The following VEPH1 variants were observed in gnomAD, a reference collection of about 807,000 sequenced individuals.
VEPH1 encodes the protein ventricular zone-expressed PH domain-containing protein homolog 1.
Under a neutral mutation model 85.2 loss-of-function variants are expected in VEPH1, and 80 were observed. That is an observed-to-expected ratio of 0.94 (90% CI 0.78 to 1.13). VEPH1 has a LOEUF of 1.13. Among genes scored for constraint, VEPH1 ranks in the 50% most tolerant of loss-of-function variants. The pLI, the probability that VEPH1 is intolerant of heterozygous loss-of-function variation, is 0.00. For synonymous variants in VEPH1, 297 were observed against 348.0 expected (o/e 0.85, Z 1.63); for missense variants, 955 against 980.5 (o/e 0.97, Z 0.35).
At chr3:157,499,061 T>A (rs1201175479) in intron 1 of VEPH1, among the ~76,000 whole-genome samples, 1 of 152,190 alleles carries the variant, frequency 6.6e-6, no homozygotes, top group Admixed American at 6.5e-5. Context: ...TGAGGTTAAG[T>A]ATCATGCCCA....
At chr3:157,455,777 T>C (rs1186056620) in intron 4 of VEPH1, among the ~76,000 whole-genome samples, 3 of 152,212 alleles carry the variant, frequency 2.0e-5, no homozygotes, top group Non-Finnish European at 4.4e-5. Context: ...TACGGCTGCA[T>C]AGTTTTCCAT....
intron 11 of VEPH1, among the ~76,000 whole-genome samples, chr3:157,293,691 A>G (rs1056046772): frequency 2.6e-5 from 4 of 152,272 alleles, no homozygotes; most frequent in African/African-American, 9.6e-5. Flanking sequence ...TAAGTAAAAC[A>G]GTTTGTGAAA....
At chr3:157,263,216 T>G (rs988570095) in intron 13 of VEPH1, among the ~76,000 whole-genome samples, 1 of 152,154 alleles carries the variant, frequency 6.6e-6, no homozygotes, top group South Asian at 2.1e-4. Flanking sequence ...CCCTGGAGAT[T>G]AGAGGTATTT....
rs1712782352 is a variant in VEPH1, at chr3:157,260,838, A to G, written c.*296T>C. The G allele has an allele frequency of 3.4e-6, 1 of 294,308 alleles. No homozygotes were observed. Among genetic ancestry groups the G allele is most frequent in the South Asian group, 5.6e-5 (1 of 17,940 alleles). 18.2% of individuals were successfully genotyped at this position (294,308 alleles called of 1,614,324 possible). On this transcript the variant is annotated 3_prime_UTR_variant, in exon 14 of 14. Transcript: ENST00000362010. Reference sequence around the variant, plus strand: ...ATGACATATCTACAGAAGTTCTTTTATCAGTGACTTTTCCCTTCCTGGCCC... The same window carrying G: ...ATGACATATCTACAGAAGTTCTTTTGTCAGTGACTTTTCCCTTCCTGGCCC...
chr3:157,436,234 A>T (rs1378613584), intron 4 of VEPH1, among the ~76,000 whole-genome samples: 2 of 151,948 alleles, frequency 1.3e-5, no homozygotes, highest in East Asian at 3.9e-4. Flanking sequence ...CCGAGATCAC[A>T]CCATTGCACT....
At chr3:157,363,203 A>G (rs575030252) in intron 9 of VEPH1, 161 bp downstream of exon 9, 62 of 173,902 alleles carry the variant, frequency 3.6e-4, no homozygotes, top group Middle Eastern at 1.3e-3. Context: ...TTTTCTTGGG[A>G]AAAAAAAAAA....
intron 6 of VEPH1, among the ~76,000 whole-genome samples, chr3:157,411,539 G>A (rs201847496): frequency 1.6e-4 from 24 of 152,180 alleles, no homozygotes; most frequent in Non-Finnish European, 2.4e-4. Context: ...ACAGGTTCCC[G>A]TAAATCCAGA....
intron 2 of VEPH1, among the ~76,000 whole-genome samples, chr3:157,488,298 G>T (rs1347160549): frequency 1.3e-5 from 2 of 151,790 alleles, no homozygotes; most frequent in African/African-American, 4.8e-5. Flanking sequence ...CTCCAATCTG[G>T]CTTTCAGTCT....
Position 157,428,311 on chromosome 3 carries a change from G to A in VEPH1, c.696+11C>T. Reference sequence around the variant, plus strand: ...TTGTGTGCACCATGACATATACAATGTACTTTTTACCTCGAGTTGTTTTTT... The same window carrying A: ...TTGTGTGCACCATGACATATACAATATACTTTTTACCTCGAGTTGTTTTTT... On this transcript the variant is annotated intron_variant, in intron 5 of 13. Coordinates refer to ENST00000362010, the MANE Select transcript of VEPH1 (RefSeq NM_001167912.2). 2 of 1,613,910 alleles carry A rather than the reference G, an allele frequency of 1.2e-6. No homozygotes were observed. The highest frequency in any genetic ancestry group is 8.5e-7 in the Non-Finnish European group (1 of 1,179,876).
chr3:157,319,123 A>T (rs532488246), intron 9 of VEPH1, among the ~76,000 whole-genome samples: 1 of 152,336 alleles, frequency 6.6e-6, no homozygotes, highest in African/African-American at 2.4e-5. Flanking sequence ...ATAATGTGAC[A>T]GGGCAAGTTA....
chr3:157,476,875 G>A (rs1410159573), intron 2 of VEPH1, among the ~76,000 whole-genome samples: 1 of 152,200 alleles, frequency 6.6e-6, no homozygotes, highest in Non-Finnish European at 1.5e-5. Context: ...GGACAATGGA[G>A]CAGTCACAAC....
At chr3:157,365,018 G>C (rs1297470820) in intron 7 of VEPH1, among the ~76,000 whole-genome samples, 1 of 152,218 alleles carries the variant, frequency 6.6e-6, no homozygotes, top group Non-Finnish European at 1.5e-5. Flanking sequence ...GATGTTGGAA[G>C]AAAGAGGTTT....
chr3:157,434,249 T>C (rs1449773852), intron 4 of VEPH1, among the ~76,000 whole-genome samples: 1 of 152,194 alleles, frequency 6.6e-6, no homozygotes, highest in Non-Finnish European at 1.5e-5. Flanking sequence ...CATTTCTACT[T>C]TATGTTTTAT....
intron 9 of VEPH1, among the ~76,000 whole-genome samples, chr3:157,344,257 A>G (rs1723940241): frequency 6.6e-6 from 1 of 152,228 alleles, no homozygotes; most frequent in African/African-American, 2.4e-5. Context: ...TGCAGATGAC[A>G]TGATTGTATA....
intron 11 of VEPH1, among the ~76,000 whole-genome samples, chr3:157,295,925 A>G (rs2108430244): frequency 6.6e-6 from 1 of 152,320 alleles, no homozygotes; most frequent in Non-Finnish European, 1.5e-5. Context: ...ACTGCACTCT[A>G]GCCTGGGCAA....
At chr3:157,449,984 C>G (rs1734831706) in intron 4 of VEPH1, among the ~76,000 whole-genome samples, 1 of 149,682 alleles carries the variant, frequency 6.7e-6, no homozygotes. Context: ...CTAAATTGAT[C>G]TCACTTCCAG....
chr3:157,482,482 C>T (rs1008810658), intron 2 of VEPH1, among the ~76,000 whole-genome samples: 2 of 152,182 alleles, frequency 1.3e-5, no homozygotes, highest in Non-Finnish European at 2.9e-5. Flanking sequence ...CTTGGCCCCC[C>T]AAAGTGCTGG....
At position 157,428,369 on chromosome 3, in the gene VEPH1, G is replaced by A. The variant is rs1220201033; in HGVS notation, c.649C>T (p.His217Tyr). The change falls in exon 5 of 14, where the codon CAT becomes TAT. Residue 217 changes from histidine to tyrosine, a missense_variant. His to Tyr is a moderately conservative substitution (Grantham distance 83). Coordinates refer to ENST00000362010, the MANE Select transcript of VEPH1 (RefSeq NM_001167912.2). ...GCTACATGCAAAAGCCGTAGTAGAT[G>A]GTACTGTTCTGGCTGTTCCAGCTGA... Reference protein sequence around the residue: ...MSQLEQPEQYHLLRLLHVAAK... With the variant: ...MSQLEQPEQYYLLRLLHVAAK... 6.2e-7 allele frequency: 1 copy of A among 1,613,372 alleles called. No homozygotes were observed.
chr3:157,289,008 A>T (rs77682246), intron 11 of VEPH1, among the ~76,000 whole-genome samples: 3,262 of 152,136 alleles, frequency 0.021, 40 homozygotes, highest in Non-Finnish European at 0.026. Flanking sequence ...CTTTTTTTTT[A>T]AAAAGTATGT....
Sources: gnomAD v4.1 joint callset for allele counts (sites outside exome capture counted in the v4.1 genomes callset) on GRCh38, gnomAD v4.1.1 for gene constraint, MANE v1.5 for transcripts, NCBI Gene and HGNC (gene_info 2026-07-23, HGNC 2026-07-21) for gene names.